Variants in LARGE1 observed in about 807,000 individuals in gnomAD.
LARGE1 encodes xylosyl- and glucuronyltransferase LARGE1.
LARGE1 carries 43 observed loss-of-function variants against 87.6 expected under a neutral mutation model. That is an observed-to-expected ratio of 0.49 (90% confidence interval 0.38 to 0.63). The LOEUF (loss-of-function observed/expected upper bound fraction) is 0.63. Ranked by LOEUF, LARGE1 falls within the 30% of genes least tolerant of loss-of-function variation. The pLI is 0.00. For synonymous variants in LARGE1, 434 were observed against 394.6 expected (o/e 1.10, Z -1.18); for missense variants, 802 against 1,000.2 (o/e 0.80, Z 2.67).
intron 10 of LARGE1, among the ~76,000 whole-genome samples, chr22:33,325,391 C>T (rs756369374): frequency 3.9e-4 from 60 of 152,248 alleles, no homozygotes; most frequent in Admixed American, 9.2e-4. Flanking sequence ...TGAAGCCTTG[C>T]TCAGGAACAA....
intron 1 of LARGE1, among the ~76,000 whole-genome samples, chr22:33,832,493 C>T (rs915875713): frequency 6.6e-6 from 1 of 152,126 alleles, no homozygotes; most frequent in African/African-American, 2.4e-5. Flanking sequence ...CTGTCAGTGA[C>T]CAAGGGAGCC....
intron 6 of LARGE1, among the ~76,000 whole-genome samples, chr22:33,453,484 G>A (rs564287105): frequency 6.6e-6 from 1 of 152,194 alleles, no homozygotes; most frequent in Admixed American, 6.5e-5. Context: ...GATCTCCCAG[G>A]GAGTGACCAA....
intron 6 of LARGE1, among the ~76,000 whole-genome samples, chr22:33,466,602 C>T (rs774300720): frequency 6.6e-6 from 1 of 151,910 alleles, no homozygotes; most frequent in South Asian, 2.1e-4. Context: ...CTACATAAAT[C>T]AAACACCCAC....
chr22:33,920,829 G>A (rs1344002965), upstream of LARGE1, among the ~76,000 whole-genome samples: 1 of 144,968 alleles, frequency 6.9e-6, no homozygotes, highest in East Asian at 2.1e-4. Flanking sequence ...CGCTGCAGCC[G>A]CCGCGGGCAG....
intron 6 of LARGE1, among the ~76,000 whole-genome samples, chr22:33,556,006 G>A (rs2077665638): frequency 6.6e-6 from 1 of 151,868 alleles, no homozygotes; most frequent in East Asian, 1.9e-4. Flanking sequence ...TCTCTCTCTG[G>A]ATCTCAGGGC....
chr22:33,864,436 G>C (rs893347315), intron 1 of LARGE1, among the ~76,000 whole-genome samples: 1 of 152,198 alleles, frequency 6.6e-6, no homozygotes, highest in Non-Finnish European at 1.5e-5. Flanking sequence ...TGCTGGCTTC[G>C]TGTTGCTGGG....
intron 12 of LARGE1, among the ~76,000 whole-genome samples, chr22:33,302,153 G>A (rs746598941): frequency 1.3e-5 from 2 of 152,224 alleles, no homozygotes; most frequent in Admixed American, 1.3e-4. Context: ...AGCTGCCCAA[G>A]TTTCAGAATC....
At chr22:33,427,776 C>T (rs1009446449) in intron 7 of LARGE1, among the ~76,000 whole-genome samples, 1 of 152,224 alleles carries the variant, frequency 6.6e-6, no homozygotes, top group African/African-American at 2.4e-5. Context: ...ACAGAGCCTC[C>T]GAGTGGGTTC....
intron 1 of LARGE1, among the ~76,000 whole-genome samples, chr22:33,894,298 A>G (rs1353692014): frequency 2.0e-5 from 3 of 152,174 alleles, no homozygotes; most frequent in African/African-American, 7.2e-5. Context: ...ACAAACCATT[A>G]AAATCACTAT....
intron 7 of LARGE1, among the ~76,000 whole-genome samples, chr22:33,399,645 T>C (rs1040130789): frequency 3.9e-5 from 6 of 151,904 alleles, no homozygotes; most frequent in Non-Finnish European, 8.8e-5. Context: ...ACCTCCCGGG[T>C]TCACACCATT....
chr22:33,349,062 T>C (rs1940101348), intron 9 of LARGE1, among the ~76,000 whole-genome samples: 1 of 152,170 alleles, frequency 6.6e-6, no homozygotes, highest in South Asian at 2.1e-4. Flanking sequence ...TAGGTGGAAC[T>C]GTGAGTCCAT....
intron 11 of LARGE1, among the ~76,000 whole-genome samples, chr22:33,257,671 A>T (rs1017349511): frequency 6.6e-6 from 1 of 152,146 alleles, no homozygotes; most frequent in African/African-American, 2.4e-5. Context: ...CAACTCTCCC[A>T]TGTTAGGGAC....
the LARGE1 span, among the ~76,000 whole-genome samples, chr22:33,156,959 C>T: frequency 6.6e-5 from 10 of 152,248 alleles, no homozygotes; most frequent in African/African-American, 1.9e-4. Flanking sequence ...TCTCCCTGCA[C>T]GAGCACCCTT....
exon 12 of LARGE1, chr22:33,165,425 A>T (rs1024954009): frequency 1.1e-4 from 17 of 152,154 alleles, no homozygotes; most frequent in Non-Finnish European, 2.4e-4. Context: ...GTATTAGGAG[A>T]TCTCCCATAG....
At chr22:33,294,262 T>A (rs1932940372) in intron 12 of LARGE1, among the ~76,000 whole-genome samples, 1 of 152,240 alleles carries the variant, frequency 6.6e-6, no homozygotes, top group South Asian at 2.1e-4. Context: ...ATCGCAGGGC[T>A]GAAGGCACTG....
chr22:33,478,755 CA>C (rs1305274191), intron 6 of LARGE1, among the ~76,000 whole-genome samples: 1 of 150,548 alleles, frequency 6.6e-6, no homozygotes, highest in Non-Finnish European at 1.5e-5. Flanking sequence ...AGTAGGTGCT[CA>C]ATAAGCATTT....
At chr22:33,707,455 C>T (rs1473377404) in intron 2 of LARGE1, among the ~76,000 whole-genome samples, 3 of 152,172 alleles carry the variant, frequency 2.0e-5, no homozygotes, top group African/African-American at 7.2e-5. Flanking sequence ...TTATTAGGTT[C>T]CTAAAATCCT....
intron 10 of LARGE1, among the ~76,000 whole-genome samples, chr22:33,326,518 AT>A (rs1052755118): frequency 8.5e-5 from 13 of 152,158 alleles, no homozygotes; most frequent in African/African-American, 3.1e-4. Flanking sequence ...TCTTAAGTCT[AT>A]CAGATAGGAA....
At chr22:33,699,504 A>G (rs575380926) in intron 2 of LARGE1, among the ~76,000 whole-genome samples, 94 of 152,342 alleles carry the variant, frequency 6.2e-4, no homozygotes, top group Non-Finnish European at 1.0e-3. Context: ...CAGGATTTTC[A>G]TAAGAAATGC....
Sources: gnomAD v4.1 joint callset for allele counts (sites outside exome capture counted in the v4.1 genomes callset) on GRCh38, gnomAD v4.1.1 for gene constraint, MANE v1.5 for transcripts, NCBI Gene and HGNC (gene_info 2026-07-23, HGNC 2026-07-21) for gene names.